The following FNDC3A variants were observed in gnomAD, a reference collection of about 807,000 sequenced individuals.
The protein encoded by FNDC3A is fibronectin type III domain containing 3A.
Under a neutral mutation model 148.9 loss-of-function variants are expected in FNDC3A, and 32 were observed. That is an observed-to-expected ratio of 0.21 (90% CI 0.16 to 0.29). The LOEUF is 0.29. Among genes scored for constraint, FNDC3A ranks in the 10% least tolerant of loss-of-function variants. The probability of loss-of-function intolerance (pLI) is 1.00; values close to 1 mark genes in which losing one functional copy is unlikely to be tolerated. For missense variants in FNDC3A, 1,191 were observed against 1,452.8 expected, an observed-to-expected ratio of 0.82 and a Z score of 2.93; for synonymous variants, 472 against 473.6, an observed-to-expected ratio of 1.00 and a Z score of 0.04.
At chr13:49,015,421 G>T (rs1013059693) in intron 2 of FNDC3A, among the ~76,000 whole-genome samples, 2 of 152,018 alleles carry the variant, frequency 1.3e-5, no homozygotes, top group Admixed American at 6.6e-5. Context: ...GGTGTATAAG[G>T]ATGCTTGTGA....
At chr13:48,990,808 C>G (rs1460723200) in intron 1 of FNDC3A, among the ~76,000 whole-genome samples, 1 of 151,912 alleles carries the variant, frequency 6.6e-6, no homozygotes, top group Non-Finnish European at 1.5e-5. Flanking sequence ...GTAAAATATA[C>G]AATAATAGCA....
At chr13:49,178,953 C>T (rs1231771614) in intron 14 of FNDC3A, among the ~76,000 whole-genome samples, 1 of 152,152 alleles carries the variant, frequency 6.6e-6, no homozygotes, top group Non-Finnish European at 1.5e-5. Context: ...TCTCACACTC[C>T]TCGGTTCAAG....
rs1230293265 is a variant in FNDC3A at position 49,207,595 on chromosome 13, T to C, written c.*200T>C. 1 of 446,120 alleles carries C rather than the reference T, an allele frequency of 2.2e-6. No homozygotes were observed. The highest frequency in any genetic ancestry group is 4.0e-6 in the Non-Finnish European group (1 of 252,466). 27.6% of individuals were successfully genotyped at this position (446,120 alleles called of 1,614,324 possible). A position where few individuals can be genotyped will look rare whatever the true frequency, so the allele number is the denominator to read the frequency against. ...AATGCAAGCCACAAAAATATCAATTTTGTTTTTTTTGTTAGGGTGGGTCTT... is the reference window on the plus strand; with the variant it reads ...AATGCAAGCCACAAAAATATCAATTCTGTTTTTTTTGTTAGGGTGGGTCTT... On this transcript the variant is annotated 3_prime_UTR_variant, in exon 26 of 26. Coordinates refer to ENST00000492622, the MANE Select transcript of FNDC3A (RefSeq NM_001079673.2).
At chr13:49,104,633 C>T (rs1428764722) in intron 3 of FNDC3A, among the ~76,000 whole-genome samples, 1 of 152,098 alleles carries the variant, frequency 6.6e-6, no homozygotes, top group Non-Finnish European at 1.5e-5. Context: ...GTACCATCCT[C>T]TTATTAAAAA....
intron 16 of FNDC3A, chr13:49,187,547 A>T: frequency 6.2e-7 from 1 of 1,610,626 alleles, no homozygotes; most frequent in Non-Finnish European, 8.5e-7. Flanking sequence ...AAGTACAAAC[A>T]CATCTTAGCT....
intron 2 of FNDC3A, among the ~76,000 whole-genome samples, chr13:49,031,660 G>C (rs1400156279): frequency 6.6e-6 from 1 of 151,872 alleles, no homozygotes; most frequent in Non-Finnish European, 1.5e-5. Flanking sequence ...CCTAAAATAA[G>C]AGCTAAATTG....
chr13:49,158,106 G>A (rs374510663), intron 8 of FNDC3A, among the ~76,000 whole-genome samples: 17 of 152,200 alleles, frequency 1.1e-4, no homozygotes, highest in Admixed American at 3.3e-4. Flanking sequence ...AATGGCGGGC[G>A]CCCCTCCCCC....
At chr13:49,010,724 T>C (rs1177079680) in intron 2 of FNDC3A, among the ~76,000 whole-genome samples, 1 of 152,144 alleles carries the variant, frequency 6.6e-6, no homozygotes, top group African/African-American at 2.4e-5. Flanking sequence ...ACCCTAGAAA[T>C]TGCTTGTATG....
At chr13:49,205,689 C>T (rs1188719989) in intron 25 of FNDC3A, among the ~76,000 whole-genome samples, 1 of 152,142 alleles carries the variant, frequency 6.6e-6, no homozygotes, top group Admixed American at 6.5e-5. Context: ...ATCATTTCTA[C>T]ATTCTATTCC....
chr13:49,048,531 C>A (rs1476884968), intron 2 of FNDC3A, among the ~76,000 whole-genome samples: 1 of 152,048 alleles, frequency 6.6e-6, no homozygotes, highest in Non-Finnish European at 1.5e-5. Flanking sequence ...AGACGTCTTT[C>A]ACCTCCTTGG....
At chr13:49,073,772 AAT>A (rs1491406106) in intron 2 of FNDC3A, among the ~76,000 whole-genome samples, 1 of 145,268 alleles carries the variant, frequency 6.9e-6, no homozygotes, top group East Asian at 1.9e-4. Context: ...ATATGTATAT[AAT>A]ATATATGTGT....
chr13:49,045,794 T>A, intron 2 of FNDC3A: 1 of 333,156 alleles, frequency 3.0e-6, no homozygotes, highest in East Asian at 6.0e-5. Context: ...ACAGTCCTTT[T>A]TTTTTTTTTT....
intron 9 of FNDC3A, 144 bp from the exon 10 acceptor site, chr13:49,168,469 G>A: frequency 2.0e-6 from 1 of 492,724 alleles, no homozygotes; most frequent in East Asian, 3.3e-5. Context: ...TTTTTTAACG[G>A]TCACCTTTTA....
intron 3 of FNDC3A, among the ~76,000 whole-genome samples, chr13:49,084,368 C>T (rs564874059): frequency 6.6e-6 from 1 of 152,192 alleles, no homozygotes; most frequent in South Asian, 2.1e-4. Context: ...GTGTACAGTA[C>T]TTGCTTGCCT....
At chr13:49,136,273 G>A in intron 5 of FNDC3A, 59 bp from the exon 6 acceptor site, 1 of 1,383,490 alleles carries the variant, frequency 7.2e-7, no homozygotes, top group East Asian at 2.3e-5. Flanking sequence ...CTTTTTTCAT[G>A]GCATAAACTT....
intron 8 of FNDC3A, among the ~76,000 whole-genome samples, chr13:49,150,943 CAAAA>C (rs35888648): frequency 6.3e-4 from 67 of 107,116 alleles, no homozygotes; most frequent in African/African-American, 2.2e-3. Flanking sequence ...GACTCCGTCT[CAAAA>C]AAAAAAAAAA....
chr13:49,151,003 C>T (rs962533636), intron 8 of FNDC3A, among the ~76,000 whole-genome samples: 1 of 151,690 alleles, frequency 6.6e-6, no homozygotes, highest in Non-Finnish European at 1.5e-5. Context: ...TATGGTCTAC[C>T]CTAAAGAATG....
At chr13:49,079,970 A>C (rs907098790) in intron 3 of FNDC3A, among the ~76,000 whole-genome samples, 5 of 152,002 alleles carry the variant, frequency 3.3e-5, no homozygotes, top group Non-Finnish European at 7.4e-5. Context: ...GCATGCCACC[A>C]TGCTTTTATA....
chr13:49,025,179 T>G (rs1218785992), intron 2 of FNDC3A, among the ~76,000 whole-genome samples: 1 of 152,060 alleles, frequency 6.6e-6, no homozygotes, highest in African/African-American at 2.4e-5. Flanking sequence ...CTACTAGATA[T>G]AATTTATGTT....
Sources: gnomAD v4.1 joint callset for allele counts (sites outside exome capture counted in the v4.1 genomes callset) on GRCh38, gnomAD v4.1.1 for gene constraint, MANE v1.5 for transcripts, NCBI Gene and HGNC (gene_info 2026-07-23, HGNC 2026-07-21) for gene names.